The following TNFRSF14 variants were observed in gnomAD, a reference collection of about 807,000 sequenced individuals.
The protein encoded by TNFRSF14 is tumor necrosis factor receptor superfamily member 14.
A neutral mutation model predicts 34.1 loss-of-function variants in TNFRSF14; 18 were observed. The ratio of observed to expected loss-of-function variants is 0.53; its 90% CI spans 0.36 to 0.78. The LOEUF (loss-of-function observed/expected upper bound fraction) is 0.78. Among genes scored for constraint, TNFRSF14 ranks in the 30% least tolerant of loss-of-function variants. The pLI is 0.00. For synonymous variants in TNFRSF14, 157 were observed against 153.2 expected (o/e 1.02, Z -0.18); for missense variants, 352 against 379.5 (o/e 0.93, Z 0.60).
intron 3 of TNFRSF14, chr1:2,558,739 T>C (rs541683030): frequency 1.7e-6 from 2 of 1,173,252 alleles, no homozygotes; most frequent in East Asian, 5.5e-5. Context: ...CCTTGGCTCC[T>C]CTGGTGCCCG....
At position 2,563,148 on chromosome 1, in the gene TNFRSF14, C is replaced by A; in HGVS notation, c.727C>A (p.Arg243=). 1 of 1,613,326 alleles carries A rather than the reference C, an allele frequency of 6.2e-7. No homozygotes were observed. Among genetic ancestry groups the A allele is most frequent in the Non-Finnish European group, 8.5e-7 (1 of 1,179,966 alleles). The change falls in exon 8 of 8, where the codon CGG becomes AGG. Residue 243 remains arginine (R), a splice_region_variant and synonymous_variant. Coordinates refer to ENST00000355716, the MANE Select transcript of TNFRSF14 (RefSeq NM_003820.4). Reference sequence around the variant, plus strand: ...GTCTCCACGATTCGTGTGCTCACAGCGGAAAAGACAGGAGGCAGAAGGTGA... The same window carrying A: ...GTCTCCACGATTCGTGTGCTCACAGAGGAAAAGACAGGAGGCAGAAGGTGA... ...DVVKVIVSVQ[R]KRQEAEGEAT...
At chr1:2,556,810 C>A (rs765236149) in intron 1 of TNFRSF14, 77 bp downstream of exon 1, 6 of 1,413,352 alleles carry the variant, frequency 4.2e-6, no homozygotes, top group Non-Finnish European at 5.7e-6. Flanking sequence ...ATCTCTTCCC[C>A]ATGCCCCTGT....
chr1:2,558,520 C>G (rs1208968604), intron 3 of TNFRSF14, 52 bp downstream of exon 3: 1 of 1,605,624 alleles, frequency 6.2e-7, no homozygotes, highest in Admixed American at 1.7e-5. Context: ...CCTGGATGCC[C>G]CCGCACCCTG....
Position 2,561,057 on chromosome 1 carries a change from T to C in TNFRSF14, c.551+343T>C, listed in dbSNP as rs962440206. ...CAGGGCCATGGGAGGGCCCCTGGGC[T>C]TCAGGGGTTGGGGAAAGTGAACACT... On this transcript the variant is annotated intron_variant, in intron 5 of 7. Transcript: ENST00000355716. This position sits in a 1 kb window ranked among gnomAD's most constrained non-coding sequence, Gnocchi z 6.0. 3.3e-5 allele frequency: 12 copies of C among 362,268 alleles called. No individual in the cohort carries two copies. Among genetic ancestry groups the C allele is most frequent in the Non-Finnish European group, 5.5e-5 (11 of 199,780 alleles). The allele number at this position is 362,268 out of a possible 1,614,324, so 22.4% of individuals were successfully genotyped here. A position where few individuals can be genotyped will look rare whatever the true frequency, so the allele number is the denominator to read the frequency against.
intron 2 of TNFRSF14, 26 bp from the exon 3 acceptor site, chr1:2,558,317 C>T (rs759243650): frequency 2.8e-5 from 45 of 1,586,710 alleles, no homozygotes; most frequent in Admixed American, 1.9e-4. Context: ...CGCAGACTTG[C>T]GAAGTTCCCA....
Position 2,561,663 on chromosome 1 carries a change from A to T in TNFRSF14, c.552-10A>T. 6.2e-7 allele frequency: 1 copy of T among 1,612,076 alleles called. No homozygotes were observed. Among genetic ancestry groups the T allele is most frequent in the East Asian group, 2.2e-5 (1 of 44,828 alleles). ...CTGCCTCTCCCACGTCCTCGGCCCC[A>T]CTCCCGCAGGTGCAGCTGGCTGGTG... is the stretch of plus-strand genomic sequence containing the variant. On this transcript the variant is annotated splice_polypyrimidine_tract_variant and intron_variant, in intron 5 of 7. Coordinates refer to ENST00000355716, the MANE Select transcript of TNFRSF14 (RefSeq NM_003820.4). This position sits in a 1 kb window ranked among gnomAD's most constrained non-coding sequence, Gnocchi z 6.0.
rs1359670489 is a variant in TNFRSF14, at chr1:2,560,665, G to A, written c.502G>A (p.Gly168Arg). ...QDTLCQNCPP[G>R]TFSPNGTLEE... ...CACCCTGTGTCAGAACTGCCCCCCG[G>A]GGACCTTCTCTCCCAATGGGACCCT... is the stretch of plus-strand genomic sequence containing the variant. The change falls in exon 5 of 8, where the codon GGG becomes AGG. Residue 168 changes from glycine to arginine, a missense_variant. Gly to Arg is a moderately radical substitution (Grantham distance 125). Transcript: ENST00000355716. 6.2e-7 allele frequency: 1 copy of A among 1,613,294 alleles called. No individual in the cohort carries two copies. Among genetic ancestry groups the A allele is most frequent in the Non-Finnish European group, 8.5e-7 (1 of 1,179,912 alleles).
chr1:2,558,989 C>T (rs1164143392), intron 3 of TNFRSF14: 1 of 1,367,008 alleles, frequency 7.3e-7, no homozygotes, highest in East Asian at 3.5e-5. Context: ...GCCTTTGAGT[C>T]ACTGAGCGCA....
Position 2,558,329 on chromosome 1 carries a change from T to C in TNFRSF14, c.179-14T>C, listed in dbSNP as rs59964805. ...TCCCGCAGACTTGCGAAGTTCCCAC[T>C]CTCTGGGCGGCAGGTTATCGTGTGA... On this transcript the variant is annotated splice_polypyrimidine_tract_variant and intron_variant, in intron 2 of 7. Coordinates refer to ENST00000355716, the MANE Select transcript of TNFRSF14 (RefSeq NM_003820.4). The C allele has an allele frequency of 3.4e-4, 538 of 1,593,868 alleles. 3 individuals carry two copies. In the African/African-American group the frequency reaches 6.6e-3, roughly 20 times the overall value.
intron 6 of TNFRSF14, 85 bp from the exon 7 acceptor site, chr1:2,562,780 G>A (rs886074401): frequency 7.7e-6 from 12 of 1,557,538 alleles, no homozygotes; most frequent in Admixed American, 6.7e-5. Context: ...TTGTGCCTCC[G>A]CCACCGCTGT....
Position 2,558,467 on chromosome 1 carries a change from A to G in TNFRSF14, c.303A>G (p.Pro101=), listed in dbSNP as rs1322787445. The change falls in exon 3 of 8, where the codon CCA becomes CCG. Residue 101 remains proline (P), a splice_region_variant and synonymous_variant. Transcript: ENST00000355716. ...SKCLQCQMCD[P]AMGLRASRNC... ...GTCTGCAGTGCCAAATGTGTGACCC[A>G]GGTAAGAGGCCAGCACAGCCGGCCC... 6.2e-7 allele frequency: 1 copy of G among 1,613,022 alleles called. No individual in the cohort carries two copies. Among genetic ancestry groups the G allele is most frequent in the East Asian group, 2.2e-5 (1 of 44,848 alleles).
chr1:2,563,005 G>A (rs958459591), intron 7 of TNFRSF14, 109 bp downstream of exon 7: 4 of 1,550,780 alleles, frequency 2.6e-6, no homozygotes, highest in Non-Finnish European at 2.6e-6. Flanking sequence ...AGTTCTCTGA[G>A]GGTCCTGAGT....
At chr1:2,557,169 T>C (rs1886730) in intron 1 of TNFRSF14, 113,319 of 201,406 alleles carry the variant, frequency 0.56, 33,763 homozygotes, top group African/African-American at 0.77. Flanking sequence ...GGGGTGGGGA[T>C]ACTCTCCATG....
At chr1:2,562,981 TG>T in intron 7 of TNFRSF14, 85 bp downstream of exon 7, 1 of 1,444,568 alleles carries the variant, frequency 6.9e-7, no homozygotes, top group Non-Finnish European at 9.4e-7. Flanking sequence ...CTGGTGTACA[TG>T]GTGGGGGCTC....
chr1:2,562,020 G>T lies in TNFRSF14; in HGVS notation c.694+205G>T, dbSNP rs1480078707. On this transcript the variant is annotated intron_variant, in intron 6 of 7. Coordinates refer to ENST00000355716, the MANE Select transcript of TNFRSF14 (RefSeq NM_003820.4). ...TGGCCTCCCTGGGGGAAGGGAAGGT[G>T]GGACCCCTGACCGTGGAGCCCTCAG... 8.0e-6 allele frequency: 5 copies of T among 626,078 alleles called. No individual in the cohort carries two copies. The African/African-American group carries it at 9.2e-5, about 12-fold the overall frequency. 38.8% of individuals were successfully genotyped at this position (626,078 alleles called of 1,614,324 possible).
At position 2,563,427 on chromosome 1, in the gene TNFRSF14, T is replaced by G; in HGVS notation, c.*154T>G. 1 of 1,293,724 alleles carries G rather than the reference T, an allele frequency of 7.7e-7. No homozygotes were observed. The highest frequency in any genetic ancestry group is 1.5e-5 in the South Asian group (1 of 68,350). The allele number at this position is 1,293,724 out of a possible 1,614,324, so 80.1% of individuals were successfully genotyped here. The stretch of plus-strand genomic sequence containing the variant: ...CCAGTGGAGGGAGAGGTGGGGCCCC[T>G]GCTGGGGTAGAGCTGGGGACGCCAC... On this transcript the variant is annotated 3_prime_UTR_variant, in exon 8 of 8. Coordinates refer to ENST00000355716, the MANE Select transcript of TNFRSF14 (RefSeq NM_003820.4).
chr1:2,557,155 G>A (rs551307895), intron 1 of TNFRSF14: 40 of 216,024 alleles, frequency 1.9e-4, no homozygotes, highest in Non-Finnish European at 3.2e-4. Flanking sequence ...GGACCCAGGT[G>A]GGTGGGGTGG....
intron 6 of TNFRSF14, chr1:2,562,533 T>C (rs1644325301): frequency 2.1e-6 from 1 of 481,892 alleles, no homozygotes; most frequent in South Asian, 2.4e-5. Context: ...GCTGGTATGG[T>C]GGGCAGGGCC....
intron 2 of TNFRSF14, 129 bp from the exon 3 acceptor site, chr1:2,558,214 G>T: frequency 7.3e-7 from 1 of 1,366,310 alleles, no homozygotes; most frequent in Non-Finnish European, 9.7e-7. Flanking sequence ...GTCCCGTGGG[G>T]CTCATGGGCC....
Sources: gnomAD v4.1 joint callset for allele counts on GRCh38, gnomAD v4.1.1 for gene constraint, Gnocchi (gnomAD v3.1) non-coding constraint, MANE v1.5 for transcripts, NCBI Gene and HGNC (gene_info 2026-07-23, HGNC 2026-07-21) for gene names.